The following UNC79 variants were observed in gnomAD, a reference collection of about 807,000 sequenced individuals.
UNC79 encodes the protein protein unc-79 homolog.
A neutral mutation model predicts 283.1 loss-of-function variants in UNC79; 37 were observed. The observed-to-expected ratio is 0.13, with a 90% CI of 0.10 to 0.17. The LOEUF is 0.17. Among genes scored for constraint, UNC79 ranks in the 10% least tolerant of loss-of-function variants. The probability of loss-of-function intolerance (pLI) is 1.00; values close to 1 mark genes in which losing one functional copy is unlikely to be tolerated. For synonymous variants in UNC79, 1,107 were observed against 1,200.2 expected (o/e 0.92, Z 1.61); for missense variants, 2,272 against 3,211.1 (o/e 0.71, Z 7.07).
chr14:93,673,996 G>A (rs2140666628), intron 41 of UNC79, among the ~76,000 whole-genome samples: 1 of 152,282 alleles, frequency 6.6e-6, no homozygotes, highest in South Asian at 2.1e-4. Flanking sequence ...ACCACTATAA[G>A]GCAGGCTTTC....
chr14:93,420,970 A>G (rs1361597443), intron 1 of UNC79, among the ~76,000 whole-genome samples: 1 of 151,780 alleles, frequency 6.6e-6, no homozygotes, highest in Non-Finnish European at 1.5e-5. Flanking sequence ...TGAAGATGGA[A>G]GTTCCCAGCT....
chr14:93,341,899 C>T (rs903603564), intron 1 of UNC79, among the ~76,000 whole-genome samples: 2 of 152,168 alleles, frequency 1.3e-5, no homozygotes, highest in Admixed American at 1.3e-4. Context: ...GGTGGGTTCC[C>T]AAGGCCTTGG....
At chr14:93,619,390 C>G (rs1356690111) in intron 29 of UNC79, among the ~76,000 whole-genome samples, 1 of 152,160 alleles carries the variant, frequency 6.6e-6, no homozygotes, top group Admixed American at 6.5e-5. Flanking sequence ...TGTGGTCTTT[C>G]AGTCTTGAGT....
intron 1 of UNC79, among the ~76,000 whole-genome samples, chr14:93,374,260 G>C (rs1245382546): frequency 6.6e-6 from 1 of 152,152 alleles, no homozygotes; most frequent in Non-Finnish European, 1.5e-5. Flanking sequence ...TCAGGCACTG[G>C]ACTTCAATCC....
intron 1 of UNC79, among the ~76,000 whole-genome samples, chr14:93,351,681 C>T (rs945916547): frequency 6.6e-6 from 1 of 152,068 alleles, no homozygotes; most frequent in African/African-American, 2.4e-5. Flanking sequence ...TATATATACA[C>T]ATTTATATAT....
chr14:93,380,398 C>T (rs934221297), intron 1 of UNC79, among the ~76,000 whole-genome samples: 4 of 152,156 alleles, frequency 2.6e-5, no homozygotes, highest in African/African-American at 4.8e-5. Flanking sequence ...AGCCTTTGCT[C>T]GGGGAGACTT....
intron 4 of UNC79, among the ~76,000 whole-genome samples, chr14:93,480,762 A>C (rs1192123341): frequency 1.3e-5 from 2 of 152,116 alleles, no homozygotes; most frequent in Non-Finnish European, 2.9e-5. Context: ...TTTTTTTGGT[A>C]GTTGTTTTGG....
intron 16 of UNC79, among the ~76,000 whole-genome samples, chr14:93,574,855 G>A (rs916911915): frequency 1.3e-5 from 2 of 152,094 alleles, no homozygotes; most frequent in African/African-American, 4.8e-5. Flanking sequence ...TTGGATGCTG[G>A]GGGTGAGGAA....
rs150695670 is a variant in UNC79 at position 93,685,351 on chromosome 14, G to A, written c.6820-1221G>A. On this transcript the variant is annotated intron_variant, in intron 42 of 48. Transcript: ENST00000555664. ...AAGGTCAGAGAAAATGGAATAAATC[G>A]CGGGGAAATCCTTTCTTGCACGAAA... Among the ~76,000 whole-genome samples the A allele has an allele frequency of 4.3e-3, 655 of 152,216 alleles. 5 individuals are homozygous for A. The highest frequency in any genetic ancestry group is 0.015 in the African/African-American group (604 of 41,542).
chr14:93,415,661 TG>T (rs1437609589), intron 1 of UNC79, among the ~76,000 whole-genome samples: 4 of 152,030 alleles, frequency 2.6e-5, no homozygotes, highest in African/African-American at 7.2e-5. Context: ...GGACTCTTTT[TG>T]GTTGGTAAGC....
At chr14:93,691,193 A>T (rs1278047639) in intron 45 of UNC79, 1 of 157,808 alleles carries the variant, frequency 6.3e-6, no homozygotes, top group Non-Finnish European at 1.4e-5. Flanking sequence ...AGACGAGGGG[A>T]TGGTTGGAGA....
intron 31 of UNC79, 112 bp downstream of exon 33, chr14:93,631,020 A>G (rs1279746800): frequency 2.9e-5 from 29 of 991,284 alleles, no homozygotes; most frequent in Non-Finnish European, 3.9e-5. Context: ...TTAATGTTGC[A>G]TCAGCTTCCT....
At position 93,474,517 on chromosome 14, in the gene UNC79, A is replaced by C; in HGVS notation, c.448+124A>C. The stretch of plus-strand genomic sequence containing the variant: ...TCACCTGAAAGGGCTTTGTGTGGCT[A>C]GAAGCACTACACTGAAACTTCATTA... On this transcript the variant is annotated intron_variant, in intron 3 of 48. Transcript: ENST00000555664. The surrounding 1 kb of genome is among the most constrained non-coding windows in gnomAD (Gnocchi z 4.1). 8.9e-7 allele frequency: 1 copy of C among 1,119,508 alleles called. No individual in the cohort carries two copies. The highest frequency in any genetic ancestry group is 1.2e-6 in the Non-Finnish European group (1 of 808,374). The allele number at this position is 1,119,508 out of a possible 1,614,324, so 69.3% of individuals were successfully genotyped here.
intron 1 of UNC79, among the ~76,000 whole-genome samples, chr14:93,462,008 G>A (rs1299122711): frequency 6.6e-6 from 1 of 150,976 alleles, no homozygotes; most frequent in East Asian, 1.9e-4. Flanking sequence ...ACAAAAACCG[G>A]TGTTAAGGAA....
At chr14:93,692,406 A>G (rs1595101536) in intron 46 of UNC79, among the ~76,000 whole-genome samples, 1 of 152,218 alleles carries the variant, frequency 6.6e-6, no homozygotes, top group African/African-American at 2.4e-5. Context: ...TTTTCTGCCT[A>G]ACATCAAATG....
chr14:93,662,577 C>T, intron 39 of UNC79, 27 bp from the exon 43 acceptor site: 1 of 1,473,622 alleles, frequency 6.8e-7, no homozygotes, highest in East Asian at 2.3e-5. Flanking sequence ...CAGCAATTGA[C>T]TTTATTTGGC....
intron 7 of UNC79, among the ~76,000 whole-genome samples, chr14:93,517,101 G>A (rs138880227): frequency 1.6e-3 from 248 of 151,762 alleles, no homozygotes; most frequent in African/African-American, 5.8e-3. Context: ...CTGTATACCT[G>A]ATTATGCTCT....
intron 1 of UNC79, among the ~76,000 whole-genome samples, chr14:93,420,821 A>G (rs1211839555): frequency 6.6e-6 from 1 of 151,772 alleles, no homozygotes; most frequent in African/African-American, 2.4e-5. Flanking sequence ...AAACTCTACA[A>G]ACGTGGAAAT....
intron 23 of UNC79, among the ~76,000 whole-genome samples, chr14:93,595,076 CT>C (rs547051985): frequency 0.018 from 2,626 of 142,708 alleles, 34 homozygotes; most frequent in South Asian, 0.091. Flanking sequence ...TCTTTCTTTC[CT>C]TTTTTTTTTT....
Sources: allele counts gnomAD v4.1 joint callset (sites outside exome capture counted in the v4.1 genomes callset), GRCh38; gene constraint gnomAD v4.1.1; non-coding constraint Gnocchi (gnomAD v3.1); transcripts MANE v1.5; gene names NCBI Gene and HGNC (gene_info 2026-07-23, HGNC 2026-07-21).